Variants in TCHP observed in about 807,000 individuals in gnomAD.
The protein encoded by TCHP is trichoplein keratin filament-binding protein.
A neutral mutation model predicts 88.7 loss-of-function variants in TCHP; 81 were observed. The observed-to-expected ratio is 0.91, with a 90% CI of 0.76 to 1.10. The LOEUF is 1.10. Ranked by LOEUF, TCHP falls within the 50% of genes least tolerant of loss-of-function variation. The pLI is 0.00. For missense variants in TCHP, 641 were observed against 632.1 expected (o/e 1.01, Z -0.15); for synonymous variants, 232 against 232.5 (o/e 1.00, Z 0.02).
chr12:109,909,028 AATG>A (rs1592910621), intron 8 of TCHP, 91 bp downstream of exon 8: 2 of 1,244,354 alleles, frequency 1.6e-6, no homozygotes, highest in Non-Finnish European at 2.3e-6. Context: ...TTCTCGTAAG[AATG>A]AAGACAGTGA....
At chr12:109,895,259 C>T in the TCHP span, among the ~76,000 whole-genome samples, 1 of 144,734 alleles carries the variant, frequency 6.9e-6, no homozygotes, top group Admixed American at 7.0e-5. Context: ...ACCCTGGCTG[C>T]AGTGCAGTGG....
At chr12:109,890,195 CTG>C in the TCHP span, among the ~76,000 whole-genome samples, 1 of 151,644 alleles carries the variant, frequency 6.6e-6, no homozygotes, top group East Asian at 1.9e-4. Flanking sequence ...GGAAGCCTGA[CTG>C]TGTCACAATC....
intron 8 of TCHP, 46 bp downstream of exon 8, chr12:109,908,983 A>G (rs1592910577): frequency 1.3e-6 from 2 of 1,580,944 alleles, no homozygotes; most frequent in Non-Finnish European, 1.7e-6. Context: ...CCTCTTTTGT[A>G]AAAAAGGCCT....
the TCHP span, among the ~76,000 whole-genome samples, chr12:109,882,155 G>A: frequency 2.6e-5 from 4 of 152,324 alleles, no homozygotes; most frequent in East Asian, 7.7e-4. Context: ...GGGTTTGGGA[G>A]CAGTACCTCT....
Position 109,916,598 on chromosome 12 carries a change from G to C in TCHP, c.1472G>C (p.Gly491Ala). ...AEQGYRPKPY[G>A]HPKIAWN ...TTTTCTTTCTTTTCTCAGCCTTACG[G>C]ACATCCAAAAATTGCTTGGAACTGA... Residue 491 changes from glycine (G) to alanine (A), a missense_variant, in exon 13 of 13, where the codon GGA becomes GCA. Gly to Ala is a moderately conservative substitution (Grantham distance 60, BLOSUM62 0). Transcript: ENST00000405876. 6.2e-7 allele frequency: 1 copy of C among 1,613,392 alleles called. No homozygotes were observed. The highest frequency in any genetic ancestry group is 1.1e-5 in the South Asian group (1 of 90,846).
At chr12:109,909,339 CAACACAAAGTGAG>C (rs1048413029) in intron 8 of TCHP, among the ~76,000 whole-genome samples, 3 of 152,216 alleles carry the variant, frequency 2.0e-5, no homozygotes, top group Non-Finnish European at 2.9e-5. Context: ...AAAAGCAGCA[CAACACAAAGTGAG>C]ATCACCCCCT....
chr12:109,916,567 C>G, intron 12 of TCHP, 24 bp from the exon 13 acceptor site: 1 of 1,611,456 alleles, frequency 6.2e-7, no homozygotes, highest in Non-Finnish European at 8.5e-7. Context: ...TCTGATCACT[C>G]TTATGTTTTC....
chr12:109,890,829 A>G, the TCHP span, among the ~76,000 whole-genome samples: 1 of 152,098 alleles, frequency 6.6e-6, no homozygotes, highest in South Asian at 2.1e-4. Context: ...CATTCCATTC[A>G]GTTCCGCAAT....
Position 109,916,878 on chromosome 12 carries a change from G to A in TCHP, c.*255G>A. 2.2e-6 allele frequency: 1 copy of A among 456,526 alleles called. No individual in the cohort carries two copies. The highest frequency in any genetic ancestry group is 3.9e-6 in the Non-Finnish European group (1 of 258,976). The allele number at this position is 456,526 out of a possible 1,614,324, so 28.3% of individuals were successfully genotyped here. A position where few individuals can be genotyped will look rare whatever the true frequency, so the allele number is the denominator to read the frequency against. On this transcript the variant is annotated 3_prime_UTR_variant, in exon 13 of 13. Coordinates refer to ENST00000405876, the MANE Select transcript of TCHP (RefSeq NM_001143852.2). ...CACGTGTTTACAGCGCTGCTGCATAGTCTTGTAATATATTAACAGTCACAT... is the reference window on the plus strand; with the variant it reads ...CACGTGTTTACAGCGCTGCTGCATAATCTTGTAATATATTAACAGTCACAT...
At chr12:109,898,506 G>A (rs1869625062), upstream of TCHP, among the ~76,000 whole-genome samples, 2 of 152,022 alleles carry the variant, frequency 1.3e-5, no homozygotes, top group South Asian at 4.2e-4. Flanking sequence ...CACCAGGCCC[G>A]GCCTGAAAGT....
In TCHP at chr12:109,911,136, G is replaced by C; in HGVS notation, c.953G>C (p.Arg318Pro). The change falls in exon 9 of 13, where the codon CGG (arginine) becomes CCG (proline). Residue 318 changes from arginine to proline, a missense_variant. Physicochemically the swap from Arg to Pro is moderately radical, Grantham distance 103 (BLOSUM62 -2). Transcript: ENST00000405876. ...AGCCAGCGCCTCCACCTGGCCAGGC[G>C]GGAGCAGGTCATGGCCGATGTGGCC... ...DESQRLHLAR[R>P]EQVMADVAWM... 6.3e-7 allele frequency: 1 copy of C among 1,597,854 alleles called. No homozygotes were observed. The highest frequency in any genetic ancestry group is 2.3e-5 in the East Asian group (1 of 44,230).
At position 109,917,496 on chromosome 12, in the gene TCHP, A is replaced by C. The variant is rs1187865665; in HGVS notation, c.*873A>C. ...GGTCACCTGGTTGGCTAACCTTTTAAAGGCAGGGGCGTGACACGTAGGACA... is the reference window on the plus strand; with the variant it reads ...GGTCACCTGGTTGGCTAACCTTTTACAGGCAGGGGCGTGACACGTAGGACA... On this transcript the variant is annotated 3_prime_UTR_variant, in exon 13 of 13. Coordinates refer to ENST00000405876, the MANE Select transcript of TCHP (RefSeq NM_001143852.2). The C allele has an allele frequency of 1.3e-5, 2 of 152,194 alleles. No homozygotes were observed. The highest frequency in any genetic ancestry group is 2.4e-5 in the African/African-American group (1 of 41,420). 9.4% of individuals were successfully genotyped at this position (152,194 alleles called of 1,614,324 possible).
At chr12:109,895,104 G>A in the TCHP span, among the ~76,000 whole-genome samples, 4 of 151,850 alleles carry the variant, frequency 2.6e-5, no homozygotes, top group African/African-American at 9.7e-5. Flanking sequence ...ATATGAGAAA[G>A]TCTAAAATAT....
At chr12:109,916,550 C>G (rs1341838753) in intron 12 of TCHP, 41 bp from the exon 13 acceptor site, 5 of 1,600,570 alleles carry the variant, frequency 3.1e-6, no homozygotes, top group Non-Finnish European at 4.3e-6. Flanking sequence ...GCTGCAGATA[C>G]TGCTGATCTG....
rs1287960816 is a variant in TCHP at position 109,913,088 on chromosome 12, G to T, written c.1134+16G>T. The T allele has an allele frequency of 6.2e-7, 1 of 1,613,430 alleles. No individual in the cohort carries two copies. Among genetic ancestry groups the T allele is most frequent in the East Asian group, 2.2e-5 (1 of 44,884 alleles). ...GATGAGCGAGGTAATCCCAGCTGCG[G>T]CGATGTGGACCGGCTGTTGGGTCTT... On this transcript the variant is annotated intron_variant, in intron 10 of 12. Transcript: ENST00000405876.
At chr12:109,881,306 C>G in the TCHP span, among the ~76,000 whole-genome samples, 5 of 152,256 alleles carry the variant, frequency 3.3e-5, no homozygotes, top group South Asian at 1.0e-3. Context: ...ACCACACACT[C>G]CAAGAAACAT....
In TCHP at chr12:109,917,065, C is replaced by T. The variant is rs939972687; in HGVS notation, c.*442C>T. 1 of 155,758 alleles carries T rather than the reference C, an allele frequency of 6.4e-6. No homozygotes were observed. Among genetic ancestry groups the T allele is most frequent in the Non-Finnish European group, 1.4e-5 (1 of 70,554 alleles). The allele number at this position is 155,758 out of a possible 1,614,324, so 9.6% of individuals were successfully genotyped here. On this transcript the variant is annotated 3_prime_UTR_variant, in exon 13 of 13. Transcript: ENST00000405876. ...CCATTTAAATTTAGTCTATTAAAAACAAACCTAGAGGTCTTGGTGCAGTTG... is the reference window on the plus strand; with the variant it reads ...CCATTTAAATTTAGTCTATTAAAAATAAACCTAGAGGTCTTGGTGCAGTTG...
intron 1 of TCHP, among the ~76,000 whole-genome samples, chr12:109,902,677 T>C (rs1869872492): frequency 6.6e-6 from 1 of 152,156 alleles, no homozygotes; most frequent in Non-Finnish European, 1.5e-5. Context: ...GGTTTCACTA[T>C]GTTGGCGCAG....
rs1190583931 is a variant in TCHP at position 109,903,101 on chromosome 12, G to T, written c.75G>T (p.Glu25Asp). ...RLNQQLARQREQEARLRQQWE... is the reference protein window; with the variant it reads ...RLNQQLARQRDQEARLRQQWE... Reference sequence around the variant, plus strand: ...ATCAGCAGCTAGCACGACAGCGAGAGCAGGAGGCCCGGCTTCGGCAGCAGT... The same window carrying T: ...ATCAGCAGCTAGCACGACAGCGAGATCAGGAGGCCCGGCTTCGGCAGCAGT... The change falls in exon 2 of 13, where the codon GAG becomes GAT. Residue 25 changes from glutamate to aspartate, a missense_variant. Glu to Asp is a conservative substitution (Grantham distance 45). Transcript: ENST00000405876. The surrounding 1 kb of genome is among the most constrained non-coding windows in gnomAD (Gnocchi z 4.6). The T allele has an allele frequency of 6.2e-7, 1 of 1,613,964 alleles. No homozygotes were observed. Among genetic ancestry groups the T allele is most frequent in the African/African-American group, 1.3e-5 (1 of 74,932 alleles).
Sources: allele counts gnomAD v4.1 joint callset (sites outside exome capture counted in the v4.1 genomes callset), GRCh38; gene constraint gnomAD v4.1.1; non-coding constraint Gnocchi (gnomAD v3.1); transcripts MANE v1.5; gene names NCBI Gene and HGNC (gene_info 2026-07-23, HGNC 2026-07-21).